TRIO: variants seen among roughly 807,000 people sequenced by gnomAD.
TRIO encodes the protein triple functional domain protein.
In TRIO, 58 loss-of-function variants were observed where a neutral mutation model predicts 351.9. That is an observed-to-expected ratio of 0.16 (90% CI 0.13 to 0.21). TRIO has a LOEUF of 0.21. TRIO is among the 10% of genes least tolerant of loss of function. The pLI is 1.00. For synonymous variants in TRIO, 1,758 were observed against 1,595.7 expected (o/e 1.10, Z -2.42); for missense variants, 3,201 against 4,027.8 (o/e 0.79, Z 5.56).
chr5:14,309,103 A>C (rs1738675313), intron 8 of TRIO, among the ~76,000 whole-genome samples: 1 of 126,456 alleles, frequency 7.9e-6, no homozygotes, highest in African/African-American at 3.1e-5. Flanking sequence ...CATTATCTAC[A>C]CATGCACATA....
chr5:14,175,885 G>A (rs1044255420), intron 1 of TRIO, among the ~76,000 whole-genome samples: 2 of 152,212 alleles, frequency 1.3e-5, no homozygotes, highest in Non-Finnish European at 2.9e-5. Context: ...TTCACAAAGT[G>A]TCATGTTACA....
At chr5:14,387,309 G>C in intron 21 of TRIO, 129 bp from the exon 22 acceptor site, 7 of 876,332 alleles carry the variant, frequency 8.0e-6, no homozygotes, top group Non-Finnish European at 1.2e-5. Flanking sequence ...TGGGGCTTTG[G>C]TCTCAGTTTC....
At position 14,509,714 on chromosome 5, in the gene TRIO, A is replaced by T; in HGVS notation, c.*1292A>T. 1 of 320,064 alleles carries T rather than the reference A, an allele frequency of 3.1e-6. No homozygotes were observed. Among genetic ancestry groups the T allele is most frequent in the South Asian group, 2.4e-5 (1 of 40,896 alleles). 19.8% of individuals were successfully genotyped at this position (320,064 alleles called of 1,614,324 possible). A position where few individuals can be genotyped will look rare whatever the true frequency, so the allele number is the denominator to read the frequency against. ...CTGGCCGCCCCGCGGCTGGTACCCA[A>T]TGCCCGAGTCACTGTGGCAGCATTC... On this transcript the variant is annotated 3_prime_UTR_variant, in exon 57 of 57. Transcript: ENST00000344204.
chr5:14,208,237 A>T (rs1181205514), intron 1 of TRIO, among the ~76,000 whole-genome samples: 7 of 152,242 alleles, frequency 4.6e-5, no homozygotes. Flanking sequence ...TAATAGCCAA[A>T]AATGAAATGA....
intron 11 of TRIO, among the ~76,000 whole-genome samples, chr5:14,356,805 G>T (rs987427680): frequency 2.1e-4 from 32 of 152,114 alleles, no homozygotes; most frequent in African/African-American, 7.7e-4. Context: ...ACGAACCCTT[G>T]ATACACACAG....
At chr5:14,424,307 T>G (rs1750452863) in intron 34 of TRIO, among the ~76,000 whole-genome samples, 1 of 152,196 alleles carries the variant, frequency 6.6e-6, no homozygotes, top group South Asian at 2.1e-4. Flanking sequence ...CCTTTTTGCT[T>G]GTGCTTTCAA....
intron 34 of TRIO, among the ~76,000 whole-genome samples, chr5:14,450,726 G>C (rs1312473636): frequency 2.0e-5 from 3 of 152,196 alleles, no homozygotes; most frequent in Non-Finnish European, 4.4e-5. Flanking sequence ...CACGCTCAGT[G>C]CTTCTCTGGC....
intron 2 of TRIO, among the ~76,000 whole-genome samples, chr5:14,274,040 C>T (rs1336575610): frequency 2.0e-5 from 3 of 151,936 alleles, no homozygotes; most frequent in Admixed American, 2.0e-4. Context: ...TAGTATTTAT[C>T]TCTTAAATGT....
chr5:14,226,050 G>T (rs1793000863), intron 1 of TRIO, among the ~76,000 whole-genome samples: 1 of 152,148 alleles, frequency 6.6e-6, no homozygotes, highest in African/African-American at 2.4e-5. Flanking sequence ...AGTGAGGGTG[G>T]GAGGTTGGAG....
At chr5:14,215,180 G>C in intron 1 of TRIO, among the ~76,000 whole-genome samples, 1 of 152,144 alleles carries the variant, frequency 6.6e-6, no homozygotes, top group South Asian at 2.1e-4. Flanking sequence ...CTTCACAACT[G>C]TTTTAGGTGA....
At chr5:14,484,922 T>C in intron 46 of TRIO, 147 bp from the exon 47 acceptor site, 2 of 695,648 alleles carry the variant, frequency 2.9e-6, no homozygotes, top group South Asian at 2.9e-5. Flanking sequence ...CCATGTCGTA[T>C]TGTGTGTCGG....
chr5:14,505,744 A>G (rs1757630549), intron 55 of TRIO, among the ~76,000 whole-genome samples: 1 of 152,172 alleles, frequency 6.6e-6, no homozygotes, highest in African/African-American at 2.4e-5. Flanking sequence ...CATGGGTGAC[A>G]GTGGGTGTCT....
At chr5:14,424,406 A>G (rs572237297) in intron 34 of TRIO, among the ~76,000 whole-genome samples, 29 of 152,274 alleles carry the variant, frequency 1.9e-4, no homozygotes, top group Non-Finnish European at 2.6e-4. Context: ...TCTCCTTTGG[A>G]TAGAGAAAAA....
At chr5:14,325,419 G>T (rs144004335) in intron 9 of TRIO, among the ~76,000 whole-genome samples, 219 of 152,334 alleles carry the variant, frequency 1.4e-3, no homozygotes, top group African/African-American at 4.8e-3. Flanking sequence ...GGAGCTGCGT[G>T]TACAGAACAC....
chr5:14,174,232 G>A (rs1789274793), intron 1 of TRIO, among the ~76,000 whole-genome samples: 1 of 152,156 alleles, frequency 6.6e-6, no homozygotes, highest in Non-Finnish European at 1.5e-5. Flanking sequence ...CGCTTTCAGA[G>A]CCTCACTTAG....
In TRIO at chr5:14,143,590, C is replaced by T; in HGVS notation, c.-136C>T. 5.4e-6 allele frequency: 1 copy of T among 184,836 alleles called. No homozygotes were observed. The highest frequency in any genetic ancestry group is 9.9e-6 in the Non-Finnish European group (1 of 100,598). The allele number at this position is 184,836 out of a possible 1,614,324, so 11.4% of individuals were successfully genotyped here. Reference sequence around the variant, plus strand: ...AGCCGCCGCCGCCGCCCCCCGCCGCCCCGGGGCTCTGCGTCCGCGCGCCGG... The same window carrying T: ...AGCCGCCGCCGCCGCCCCCCGCCGCTCCGGGGCTCTGCGTCCGCGCGCCGG... On this transcript the variant is annotated 5_prime_UTR_variant, in exon 1 of 57. Transcript: ENST00000344204.
Position 14,288,653 on chromosome 5 carries a change from C to T in TRIO, c.540+1590C>T, listed in dbSNP as rs185643986. ...CTGCACTCCAGCCTGGGCAACAGAG[C>T]GAGATTCCGCCTCAAAAAAAAAAAA... On this transcript the variant is annotated intron_variant, in intron 4 of 56. Transcript: ENST00000344204. Among the ~76,000 whole-genome samples, 14 of 135,414 alleles carry T rather than the reference C, an allele frequency of 1.0e-4. No homozygotes were observed. The East Asian group carries it at 2.0e-3, about 19-fold the overall frequency. The allele number at this position is 135,414 out of a possible 152,430, so 88.8% of individuals were successfully genotyped here.
intron 1 of TRIO, among the ~76,000 whole-genome samples, chr5:14,165,182 A>G (rs763943014): frequency 2.6e-5 from 4 of 152,324 alleles, no homozygotes; most frequent in Middle Eastern, 6.8e-3. Flanking sequence ...TTATGTGAGA[A>G]TATTGCTTGA....
At position 14,487,765 on chromosome 5, in the gene TRIO, TG is replaced by T; in HGVS notation, c.7139del (p.Gly2380AlafsTer33). On this transcript the variant is annotated frameshift_variant, in exon 48 of 57. Transcript: ENST00000344204. LOFTEE classifies it high-confidence loss of function. ...CCCCCGGGCCCTCCCTGCCTCCCCC[TG>T]GCGCGGCCCCCGAGGCCGGCCCCAG... ...STPGPSLPPP[G>X]AAPEAGPSAP... 1 of 1,368,724 alleles carries T rather than the reference TG, an allele frequency of 7.3e-7. No homozygotes were observed. Among genetic ancestry groups the T allele is most frequent in the South Asian group, 1.7e-5 (1 of 58,738 alleles). The allele number at this position is 1,368,724 out of a possible 1,614,324, so 84.8% of individuals were successfully genotyped here.
Sources: gnomAD v4.1 joint callset for allele counts (sites outside exome capture counted in the v4.1 genomes callset) on GRCh38, gnomAD v4.1.1 for gene constraint, MANE v1.5 for transcripts, NCBI Gene and HGNC (gene_info 2026-07-23, HGNC 2026-07-21) for gene names.